Variants in LOC128462377 observed in about 807,000 individuals in gnomAD.
chr16:89,376,337 A>T, the LOC128462377 span, among the ~76,000 whole-genome samples: 1 of 152,244 alleles, frequency 6.6e-6, no homozygotes, highest in Non-Finnish European at 1.5e-5. Flanking sequence ...CAATGTCAAG[A>T]TAACAGGAGA....
chr16:89,384,341 T>G, the LOC128462377 span, among the ~76,000 whole-genome samples: 3,158 of 152,162 alleles, frequency 0.021, 123 homozygotes, highest in African/African-American at 0.073. Flanking sequence ...GACCAGCCCG[T>G]CCAACATAGC....
At chr16:89,353,342 C>CAA in the LOC128462377 span, among the ~76,000 whole-genome samples, 3 of 141,940 alleles carry the variant, frequency 2.1e-5, no homozygotes, top group African/African-American at 7.8e-5. Context: ...ACTCCAACTC[C>CAA]AAAAAAAAAG....
chr16:89,400,847 C>T, the LOC128462377 span, among the ~76,000 whole-genome samples: 13 of 152,102 alleles, frequency 8.5e-5, no homozygotes, highest in Admixed American at 4.6e-4. Context: ...CTGACGGGAA[C>T]CCCTGCAGCC....
At chr16:89,368,143 C>T in the LOC128462377 span, among the ~76,000 whole-genome samples, 2 of 152,164 alleles carry the variant, frequency 1.3e-5, no homozygotes, top group Non-Finnish European at 2.9e-5. Context: ...ATAAGTCCTA[C>T]ATCAAACCAG....
the LOC128462377 span, among the ~76,000 whole-genome samples, chr16:89,364,219 T>G: frequency 3.9e-5 from 6 of 152,326 alleles, no homozygotes; most frequent in Non-Finnish European, 5.9e-5. Context: ...TCAGGCAACA[T>G]GTGGGGGCCC....
the LOC128462377 span, among the ~76,000 whole-genome samples, chr16:89,366,544 C>T: frequency 1.3e-5 from 2 of 152,176 alleles, no homozygotes; most frequent in Admixed American, 6.5e-5. Context: ...GATGGTGTCT[C>T]GCTGTGAGAA....
At chr16:89,371,051 C>T in the LOC128462377 span, among the ~76,000 whole-genome samples, 1 of 152,138 alleles carries the variant, frequency 6.6e-6, no homozygotes, top group African/African-American at 2.4e-5. Flanking sequence ...CGTCTCATGA[C>T]GAAGGGGACT....
the LOC128462377 span, chr16:89,323,326 A>G: frequency 7.8e-7 from 1 of 1,288,872 alleles, no homozygotes; most frequent in African/African-American, 1.5e-5. Flanking sequence ...GCACTGTGGC[A>G]ATCCCAGGTA....
At chr16:89,368,392 T>G in the LOC128462377 span, among the ~76,000 whole-genome samples, 70 of 140,066 alleles carry the variant, frequency 5.0e-4, no homozygotes, top group Non-Finnish European at 8.2e-4. Flanking sequence ...TTTTTTTTTT[T>G]TTTTTTTTTT....
the LOC128462377 span, among the ~76,000 whole-genome samples, chr16:89,370,928 C>T: frequency 1.8e-3 from 280 of 152,250 alleles, 1 homozygote; most frequent in African/African-American, 4.9e-3. Flanking sequence ...GCAGGCGCCA[C>T]GAGACGCCCA....
At chr16:89,323,339 G>A in the LOC128462377 span, 2 of 1,288,952 alleles carry the variant, frequency 1.6e-6, no homozygotes, top group Non-Finnish European at 2.0e-6. Flanking sequence ...CCCAGGTATG[G>A]AAGAGAAGCA....
chr16:89,361,890 G>A, the LOC128462377 span, among the ~76,000 whole-genome samples: 1 of 152,176 alleles, frequency 6.6e-6, no homozygotes, highest in African/African-American at 2.4e-5. Flanking sequence ...CAGCATGCCT[G>A]TCAGAGGGAC....
the LOC128462377 span, among the ~76,000 whole-genome samples, chr16:89,383,911 T>A: frequency 6.6e-6 from 1 of 152,168 alleles, no homozygotes; most frequent in Admixed American, 6.5e-5. Flanking sequence ...TAGGGCCTTG[T>A]CAAACTCACC....
chr16:89,413,618 C>G, the LOC128462377 span, among the ~76,000 whole-genome samples: 4 of 152,012 alleles, frequency 2.6e-5, no homozygotes, highest in Non-Finnish European at 2.9e-5. Context: ...GCCAGACTGT[C>G]TCAAAAAAAG....
the LOC128462377 span, among the ~76,000 whole-genome samples, chr16:89,352,703 T>A: frequency 6.6e-6 from 1 of 152,188 alleles, no homozygotes; most frequent in African/African-American, 2.4e-5. Flanking sequence ...TTCACCAGTT[T>A]ATTGAAGCCT....
chr16:89,322,483 C>T, the LOC128462377 span, among the ~76,000 whole-genome samples: 6 of 152,360 alleles, frequency 3.9e-5, no homozygotes, highest in East Asian at 5.8e-4. Flanking sequence ...CCTCCCCTCA[C>T]GCAGGCACGT....
chr16:89,416,047 A>G, the LOC128462377 span, among the ~76,000 whole-genome samples: 2 of 152,054 alleles, frequency 1.3e-5, no homozygotes, highest in African/African-American at 4.8e-5. Flanking sequence ...CACCACAGGC[A>G]AACAAAAGAC....
chr16:89,323,998 A>C, the LOC128462377 span: 1 of 223,740 alleles, frequency 4.5e-6, no homozygotes, highest in Admixed American at 5.5e-5. Context: ...TTCAAACCAA[A>C]CCCCCAGTGT....
the LOC128462377 span, among the ~76,000 whole-genome samples, chr16:89,378,088 A>G: frequency 6.6e-6 from 1 of 152,128 alleles, no homozygotes; most frequent in Non-Finnish European, 1.5e-5. Context: ...GGTGGCTCAC[A>G]CTTATAATCC....
Sources: gnomAD v4.1 joint callset for allele counts (sites outside exome capture counted in the v4.1 genomes callset) on GRCh38, gnomAD v4.1.1 for gene constraint, MANE v1.5 for transcripts.